FSTL5: variants seen among roughly 807,000 people sequenced by gnomAD.
FSTL5 encodes the protein follistatin like 5.
FSTL5 carries 62 observed loss-of-function variants against 89.1 expected under a neutral mutation model. That is an observed-to-expected ratio of 0.70 (90% confidence interval 0.57 to 0.86). The LOEUF is 0.86. Ranked by LOEUF, FSTL5 falls within the 40% of genes least tolerant of loss-of-function variation. FSTL5 has a pLI of 0.00. For missense variants in FSTL5, 1,057 were observed against 1,001.6 expected (o/e 1.06, Z -0.75); for synonymous variants, 383 against 346.2 (o/e 1.11, Z -1.18).
chr4:161,968,968 A>AGC (rs1305641466), intron 3 of FSTL5, among the ~76,000 whole-genome samples: 16 of 55,526 alleles, frequency 2.9e-4, no homozygotes, highest in African/African-American at 6.7e-4. Context: ...CACTCACATA[A>AGC]GCACACACAC....
At chr4:161,946,397 A>G (rs1401566890) in intron 3 of FSTL5, among the ~76,000 whole-genome samples, 1 of 152,180 alleles carries the variant, frequency 6.6e-6, no homozygotes, top group Non-Finnish European at 1.5e-5. Context: ...TATAATGTAT[A>G]ATTATGTTTG....
intron 2 of FSTL5, among the ~76,000 whole-genome samples, chr4:162,053,493 A>G (rs1738447491): frequency 6.6e-6 from 1 of 151,830 alleles, no homozygotes; most frequent in Non-Finnish European, 1.5e-5. Context: ...GTCCAAATGT[A>G]TAAAACATGT....
At chr4:161,745,958 A>T (rs1740188441) in intron 6 of FSTL5, among the ~76,000 whole-genome samples, 1 of 152,196 alleles carries the variant, frequency 6.6e-6, no homozygotes, top group Admixed American at 6.5e-5. Flanking sequence ...TCATCAGTAA[A>T]AAACAAATGT....
intron 8 of FSTL5, among the ~76,000 whole-genome samples, chr4:161,558,453 T>G (rs983847279): frequency 6.6e-6 from 1 of 151,886 alleles, no homozygotes; most frequent in Non-Finnish European, 1.5e-5. Flanking sequence ...ATATTTTTGG[T>G]CTACTTTAAA....
At chr4:161,585,453 A>G (rs1445681671) in intron 8 of FSTL5, among the ~76,000 whole-genome samples, 1 of 152,132 alleles carries the variant, frequency 6.6e-6, no homozygotes, top group Non-Finnish European at 1.5e-5. Flanking sequence ...CAGGTGGAGA[A>G]CATGCACCAT....
At chr4:161,926,744 T>C (rs1412583277) in intron 3 of FSTL5, among the ~76,000 whole-genome samples, 1 of 151,880 alleles carries the variant, frequency 6.6e-6, no homozygotes, top group Non-Finnish European at 1.5e-5. Flanking sequence ...TATTAATTTT[T>C]CCTTTCTAAG....
chr4:162,032,910 G>C (rs1737594348), intron 3 of FSTL5, among the ~76,000 whole-genome samples: 1 of 152,148 alleles, frequency 6.6e-6, no homozygotes, highest in South Asian at 2.1e-4. Flanking sequence ...GATGCCTTTG[G>C]GAAGGGAAAG....
intron 3 of FSTL5, among the ~76,000 whole-genome samples, chr4:161,938,994 T>A (rs996127721): frequency 3.9e-5 from 6 of 151,912 alleles, no homozygotes; most frequent in African/African-American, 1.4e-4. Flanking sequence ...AAAAGGGCAA[T>A]TAGCATAAAA....
chr4:161,432,800 C>A (rs1274987261), intron 15 of FSTL5, among the ~76,000 whole-genome samples: 1 of 151,854 alleles, frequency 6.6e-6, no homozygotes, highest in Non-Finnish European at 1.5e-5. Context: ...TTACTGTGAG[C>A]AACTATATGC....
chr4:161,909,674 T>C (rs1733637082), intron 4 of FSTL5, among the ~76,000 whole-genome samples: 1 of 152,134 alleles, frequency 6.6e-6, no homozygotes, highest in Non-Finnish European at 1.5e-5. Flanking sequence ...TGAAATATAC[T>C]CAGCTACCTG....
chr4:162,113,475 T>C (rs928547694), intron 1 of FSTL5, among the ~76,000 whole-genome samples: 1 of 152,076 alleles, frequency 6.6e-6, no homozygotes, highest in Non-Finnish European at 1.5e-5. Flanking sequence ...GCATCTTAAG[T>C]CCACTCTCCA....
chr4:162,020,774 TAAAAG>T (rs1737054646), intron 3 of FSTL5, among the ~76,000 whole-genome samples: 1 of 152,034 alleles, frequency 6.6e-6, no homozygotes, highest in African/African-American at 2.4e-5. Flanking sequence ...ATTATTTAAT[TAAAAG>T]AAAAAACAGA....
At position 161,656,385 on chromosome 4, in the gene FSTL5, G is replaced by T. The variant is rs578232666; in HGVS notation, c.837C>A (p.Pro279=). Residue 279 remains proline, a synonymous_variant, in exon 7 of 16, where the codon CCC becomes CCA. Coordinates refer to ENST00000306100, the MANE Select transcript of FSTL5 (RefSeq NM_020116.5). The part of the protein sequence containing the change: ...SCAIQGTLRP[P]IIWKRNNIIL... ...TAATATTGTTCCTTTTCCAGATAAT[G>T]GGAGGTCTCAGGGTTCCTTGAATGG... The T allele has an allele frequency of 6.2e-7, 1 of 1,606,522 alleles. No homozygotes were observed. The highest frequency in any genetic ancestry group is 1.3e-5 in the African/African-American group (1 of 74,768).
intron 4 of FSTL5, among the ~76,000 whole-genome samples, chr4:161,838,043 A>G (rs979566149): frequency 2.0e-5 from 3 of 152,142 alleles, no homozygotes; most frequent in Non-Finnish European, 4.4e-5. Context: ...TTCTATTTTG[A>G]CAAGTAAAAG....
chr4:161,390,258 G>T (rs1730776442), intron 15 of FSTL5, among the ~76,000 whole-genome samples: 1 of 152,080 alleles, frequency 6.6e-6, no homozygotes, highest in Non-Finnish European at 1.5e-5. Context: ...GCTTACCCAA[G>T]AATTTTTGCT....
At chr4:161,944,459 A>G (rs1036965463) in intron 3 of FSTL5, among the ~76,000 whole-genome samples, 28 of 152,066 alleles carry the variant, frequency 1.8e-4, no homozygotes, top group Non-Finnish European at 3.4e-4. Flanking sequence ...ATAATGGTGA[A>G]GTGTAATTGA....
At chr4:161,835,102 G>C (rs565727382) in intron 4 of FSTL5, among the ~76,000 whole-genome samples, 1 of 147,632 alleles carries the variant, frequency 6.8e-6, no homozygotes, top group African/African-American at 2.6e-5. Context: ...TACCAAAACA[G>C]AGATATAGAT....
chr4:161,560,112 G>A (rs966685493), intron 8 of FSTL5, among the ~76,000 whole-genome samples: 1 of 151,332 alleles, frequency 6.6e-6, no homozygotes, highest in Non-Finnish European at 1.5e-5. Flanking sequence ...TGTGGCCCAA[G>A]ACAATTCTTC....
intron 3 of FSTL5, among the ~76,000 whole-genome samples, chr4:161,982,693 C>T (rs374524277): frequency 6.6e-6 from 1 of 152,066 alleles, no homozygotes; most frequent in Admixed American, 6.6e-5. Context: ...GTATGGTGTT[C>T]ATGTATATGC....
Sources: allele counts gnomAD v4.1 joint callset (sites outside exome capture counted in the v4.1 genomes callset), GRCh38; gene constraint gnomAD v4.1.1; transcripts MANE v1.5; gene names NCBI Gene and HGNC (gene_info 2026-07-23, HGNC 2026-07-21).